CCL7: variants seen among roughly 807,000 people sequenced by gnomAD.
CCL7 encodes C-C motif chemokine 7.
A neutral mutation model predicts 7.1 loss-of-function variants in CCL7; 8 were observed. The observed-to-expected ratio is 1.13, with a 90% CI of 0.66 to 2.04. CCL7 has a LOEUF of 2.04. Among genes scored for constraint, CCL7 ranks in the 30% most tolerant of loss-of-function variants. CCL7 has a pLI of 0.00. For synonymous variants in CCL7, 46 were observed against 41.2 expected (o/e 1.12, Z -0.45); for missense variants, 134 against 113.6 (o/e 1.18, Z -0.82).
chr17:34,270,509 T>G, intron 1 of CCL7, 143 bp downstream of exon 1: 2 of 667,454 alleles, frequency 3.0e-6, no homozygotes, highest in Non-Finnish European at 5.1e-6. Flanking sequence ...GGATAAGGGG[T>G]GAGCCCAACC....
At position 34,271,058 on chromosome 17, in the gene CCL7, T is replaced by C. The variant is rs569338834; in HGVS notation, c.77-88T>C. ...CCTCCACCTCTTCCTTTCTTTCTGA[T>C]TCCTTCTTCTTACCATTCCCTGTTT... On this transcript the variant is annotated intron_variant, in intron 1 of 2. Coordinates refer to ENST00000378569, the MANE Select transcript of CCL7 (RefSeq NM_006273.4). 9 of 1,590,604 alleles carry C rather than the reference T, an allele frequency of 5.7e-6. No individual in the cohort carries two copies. In the South Asian group the frequency reaches 9.1e-5, roughly 16 times the overall value.
At position 34,270,313 on chromosome 17, in the gene CCL7, T is replaced by C. The variant is rs200580676; in HGVS notation, c.23T>C (p.Leu8Pro). 1.4e-5 allele frequency: 23 copies of C among 1,614,202 alleles called. No individual in the cohort carries two copies. The highest frequency in any genetic ancestry group is 1.9e-5 in the Non-Finnish European group (22 of 1,180,028). Reference protein sequence around the residue: MKASAALLCLLLTAAAFS... With the variant: MKASAALPCLLLTAAAFS... The stretch of plus-strand genomic sequence containing the variant: ...AACATGAAAGCCTCTGCAGCACTTC[T>C]GTGTCTGCTGCTCACAGCAGCTGCT... Residue 8 changes from leucine (L) to proline (P), a missense_variant, in exon 1 of 3, where the codon CTG becomes CCG. Leu to Pro is a moderately conservative substitution (Grantham distance 98). Coordinates refer to ENST00000378569, the MANE Select transcript of CCL7 (RefSeq NM_006273.4).
At chr17:34,271,365 G>A (rs560209570) in intron 2 of CCL7, 102 bp downstream of exon 2, 1 of 878,914 alleles carries the variant, frequency 1.1e-6, no homozygotes, top group South Asian at 1.6e-5. Flanking sequence ...CAAATACTGT[G>A]ATGCATACAG....
rs777326089 is a variant in CCL7 at position 34,270,366 on chromosome 17, G to A, written c.76G>A (p.Val26Ile). The A allele has an allele frequency of 3.7e-6, 6 of 1,613,968 alleles. No homozygotes were observed. The highest frequency in any genetic ancestry group is 5.1e-6 in the Non-Finnish European group (6 of 1,179,842). Reference protein sequence around the residue: ...AFSPQGLAQPVGINTSTTCCY... With the variant: ...AFSPQGLAQPIGINTSTTCCY... ...CAGCCCCCAGGGGCTTGCTCAGCCA[G>A]GTAAGGTCCCTCTCTCCTTCTCCTT... The change falls in exon 1 of 3, where the codon GTT becomes ATT. Residue 26 changes from valine (V) to isoleucine (I), a missense_variant and splice_region_variant. Val to Ile is a conservative substitution (Grantham distance 29). Transcript: ENST00000378569.
chr17:34,271,787 A>G lies in CCL7; in HGVS notation c.285A>G (p.Gln95=). The change falls in exon 3 of 3, where the codon CAA becomes CAG. Residue 95 remains glutamine, a synonymous_variant. Coordinates refer to ENST00000378569, the MANE Select transcript of CCL7 (RefSeq NM_006273.4). ...DFMKHLDKKT[Q]TPKL is the part of the protein sequence containing the mutation. Reference sequence around the variant, plus strand: ...TGAAGCACCTGGACAAGAAAACCCAAACTCCAAAGCTTTGAACATTCATGA... The same window carrying G: ...TGAAGCACCTGGACAAGAAAACCCAGACTCCAAAGCTTTGAACATTCATGA... 2 of 1,611,138 alleles carry G rather than the reference A, an allele frequency of 1.2e-6. No individual in the cohort carries two copies. The highest frequency in any genetic ancestry group is 1.7e-6 in the Non-Finnish European group (2 of 1,177,874).
chr17:34,271,600 A>T, intron 2 of CCL7, 97 bp from the exon 3 acceptor site: 1 of 762,298 alleles, frequency 1.3e-6, no homozygotes, highest in Non-Finnish European at 2.2e-6. Context: ...CCCATCAGCT[A>T]GGCTGATGGG....
At chr17:34,271,029 T>C in intron 1 of CCL7, 117 bp from the exon 2 acceptor site, 1 of 1,557,250 alleles carries the variant, frequency 6.4e-7, no homozygotes, top group Non-Finnish European at 8.7e-7. Flanking sequence ...ATGGGCAGCT[T>C]TTCCCTCCAC....
intron 1 of CCL7, 22 bp downstream of exon 1, chr17:34,270,388 C>T (rs766230763): frequency 1.9e-6 from 3 of 1,602,246 alleles, no homozygotes; most frequent in South Asian, 1.1e-5. Flanking sequence ...CTCTCCTTCT[C>T]CTTGAAGCAC....
rs750068170 is a variant in CCL7 at position 34,271,266 on chromosome 17, A to G, written c.194+3A>G. 5.6e-6 allele frequency: 9 copies of G among 1,612,080 alleles called. No individual in the cohort carries two copies. The South Asian group carries it at 7.7e-5, about 14-fold the overall frequency. ...CACTGTCCCCGGGAAGCTGTAATGT[A>G]TGTGGACGATGACCACCCACCCCTC... On this transcript the variant is annotated splice_donor_region_variant and intron_variant, in intron 2 of 2. Coordinates refer to ENST00000378569, the MANE Select transcript of CCL7 (RefSeq NM_006273.4).
In CCL7 at chr17:34,270,374, C is replaced by T; in HGVS notation, c.76+8C>T. 2 of 1,613,212 alleles carry T rather than the reference C, an allele frequency of 1.2e-6. No individual in the cohort carries two copies. The highest frequency in any genetic ancestry group is 1.3e-5 in the African/African-American group (1 of 75,044). ...AGGGGCTTGCTCAGCCAGGTAAGGT[C>T]CCTCTCTCCTTCTCCTTGAAGCACA... On this transcript the variant is annotated splice_region_variant and intron_variant, in intron 1 of 2. Coordinates refer to ENST00000378569, the MANE Select transcript of CCL7 (RefSeq NM_006273.4).
At chr17:34,270,561 T>G (rs775706964) in intron 1 of CCL7, among the ~76,000 whole-genome samples, 195 bp downstream of exon 1, 1 of 152,226 alleles carries the variant, frequency 6.6e-6, no homozygotes, top group Non-Finnish European at 1.5e-5. Context: ...GAATTCCAGC[T>G]GTGAACCCCA....
At position 34,270,302 on chromosome 17, in the gene CCL7, T is replaced by G; in HGVS notation, c.12T>G (p.Ser4=). MKA[S]AALLCLLLTA... is the part of the protein sequence containing the mutation. Reference sequence around the variant, plus strand: ...CCTCACCCTCCAACATGAAAGCCTCTGCAGCACTTCTGTGTCTGCTGCTCA... The same window carrying G: ...CCTCACCCTCCAACATGAAAGCCTCGGCAGCACTTCTGTGTCTGCTGCTCA... The change falls in exon 1 of 3, where the codon TCT becomes TCG. Residue 4 remains serine, a synonymous_variant. Coordinates refer to ENST00000378569, the MANE Select transcript of CCL7 (RefSeq NM_006273.4). 1 of 1,614,216 alleles carries G rather than the reference T, an allele frequency of 6.2e-7. No homozygotes were observed. The highest frequency in any genetic ancestry group is 8.5e-7 in the Non-Finnish European group (1 of 1,180,036).
At chr17:34,271,287 C>T (rs1231271810) in intron 2 of CCL7, 24 bp downstream of exon 2, 2 of 1,586,924 alleles carry the variant, frequency 1.3e-6, no homozygotes, top group South Asian at 2.2e-5. Flanking sequence ...GACCACCCAC[C>T]CCTCACACCT....
chr17:34,271,933 T>G lies in CCL7; in HGVS notation c.*131T>G. 1.6e-6 allele frequency: 1 copy of G among 612,044 alleles called. No individual in the cohort carries two copies. The highest frequency in any genetic ancestry group is 2.9e-6 in the Non-Finnish European group (1 of 346,966). 37.9% of individuals were successfully genotyped at this position (612,044 alleles called of 1,614,324 possible). A position where few individuals can be genotyped will look rare whatever the true frequency, so the allele number is the denominator to read the frequency against. On this transcript the variant is annotated 3_prime_UTR_variant, in exon 3 of 3. Transcript: ENST00000378569. ...GGAATATGAGCTTTATGTAATAATG[T>G]GAATCATGGTTTTTCTTAGTAGATT...
At chr17:34,270,495 A>G in intron 1 of CCL7, 129 bp downstream of exon 1, 1 of 753,554 alleles carries the variant, frequency 1.3e-6, no homozygotes, top group South Asian at 1.8e-5. Flanking sequence ...GTAACTTAGA[A>G]AAAGGATAAG....
intron 1 of CCL7, among the ~76,000 whole-genome samples, 154 bp downstream of exon 1, chr17:34,270,520 A>T (rs1282594176): frequency 6.6e-6 from 1 of 152,212 alleles, no homozygotes; most frequent in African/African-American, 2.4e-5. Flanking sequence ...GAGCCCAACC[A>T]CACAGCTGCT....
Position 34,271,866 on chromosome 17 carries a change from C to T in CCL7, c.*64C>T. 6.2e-6 allele frequency: 6 copies of T among 968,270 alleles called. No homozygotes were observed. Among genetic ancestry groups the T allele is most frequent in the Non-Finnish European group, 9.7e-6 (6 of 616,632 alleles). 60.0% of individuals were successfully genotyped at this position (968,270 alleles called of 1,614,324 possible). On this transcript the variant is annotated 3_prime_UTR_variant, in exon 3 of 3. Transcript: ENST00000378569. ...AAACAAATAATTTGTATACCCTGTC[C>T]TTTCTCAGAGTGGTTCTGAGATTAT...
At chr17:34,270,421 C>T in intron 1 of CCL7, 55 bp downstream of exon 1, 3 of 1,405,060 alleles carry the variant, frequency 2.1e-6, no homozygotes, top group Non-Finnish European at 3.0e-6. Flanking sequence ...CTGGGTTATC[C>T]TGGACCAATC....
Position 34,271,204 on chromosome 17 carries a change from G to A in CCL7, c.135G>A (p.Lys45=), listed in dbSNP as rs767220937. The change falls in exon 2 of 3, where the codon AAG becomes AAA. Residue 45 remains lysine, a synonymous_variant. Coordinates refer to ENST00000378569, the MANE Select transcript of CCL7 (RefSeq NM_006273.4). The part of the protein sequence containing the change: ...CYRFINKKIP[K]QRLESYRRTT... ...GATTTATCAATAAGAAAATCCCTAAGCAGAGGCTGGAGAGCTACAGAAGGA... is the reference window on the plus strand; with the variant it reads ...GATTTATCAATAAGAAAATCCCTAAACAGAGGCTGGAGAGCTACAGAAGGA... 19 of 1,614,142 alleles carry A rather than the reference G, an allele frequency of 1.2e-5. No homozygotes were observed. Among genetic ancestry groups the A allele is most frequent in the Non-Finnish European group, 1.5e-5 (18 of 1,180,032 alleles).
Sources: gnomAD v4.1 joint callset for allele counts (sites outside exome capture counted in the v4.1 genomes callset) on GRCh38, gnomAD v4.1.1 for gene constraint, MANE v1.5 for transcripts, NCBI Gene and HGNC (gene_info 2026-07-23, HGNC 2026-07-21) for gene names.